TRIM37: variants seen among roughly 807,000 people sequenced by gnomAD.
TRIM37 encodes E3 ubiquitin-protein ligase TRIM37.
In TRIM37, 80 loss-of-function variants were observed where a neutral mutation model predicts 129.8. That is an observed-to-expected ratio of 0.62 (90% CI 0.51 to 0.74). TRIM37 has a LOEUF of 0.74. TRIM37 is among the 30% of genes least tolerant of loss of function. The pLI is 0.00. For synonymous variants in TRIM37, 389 were observed against 387.1 expected (o/e 1.00, Z -0.06); for missense variants, 1,054 against 1,176.5 (o/e 0.90, Z 1.52).
rs1305073340 is a variant in TRIM37 at position 59,017,380 on chromosome 17, C to T, written c.2302G>A (p.Val768Ile). ...CTTCGAAGTGATAGACTACCTGCTACACTGGATCGAGCTGGCTTGGGCGAA... is the reference window on the plus strand; with the variant it reads ...CTTCGAAGTGATAGACTACCTGCTATACTGGATCGAGCTGGCTTGGGCGAA... ...SNSPKPARSS[V>I]AGSLSLRRAV... The change falls in exon 20 of 24, where the codon GTA becomes ATA. Residue 768 changes from valine to isoleucine, a missense_variant. This residue lies in a region of TRIM37 where 287 missense variants were observed against 274.3 expected (regional missense o/e 1.05). Coordinates refer to ENST00000262294, the MANE Select transcript of TRIM37 (RefSeq NM_015294.6). The T allele has an allele frequency of 1.2e-6, 2 of 1,614,030 alleles. No individual in the cohort carries two copies. The highest frequency in any genetic ancestry group is 1.3e-5 in the African/African-American group (1 of 74,910).
In TRIM37 at chr17:58,998,839, G is replaced by A; in HGVS notation, c.*538C>T. ...GAGAAGATACATACTCCAAAAAGGA[G>A]ATTCAGTCTAGTGTTACTTCAGTTA... On this transcript the variant is annotated 3_prime_UTR_variant, in exon 24 of 24. Transcript: ENST00000262294. 1 of 990,510 alleles carries A rather than the reference G, an allele frequency of 1.0e-6. No homozygotes were observed. The highest frequency in any genetic ancestry group is 4.6e-5 in the South Asian group (1 of 21,934). The allele number at this position is 990,510 out of a possible 1,614,324, so 61.4% of individuals were successfully genotyped here.
chr17:58,985,870 GA>G (rs942645324), intron 24 of TRIM37, among the ~76,000 whole-genome samples: 1 of 151,430 alleles, frequency 6.6e-6, no homozygotes, highest in Non-Finnish European at 1.5e-5. Context: ...GAACAATTGA[GA>G]AAAAAAAGGT....
At chr17:59,037,726 A>T (rs2038707190) in intron 17 of TRIM37, among the ~76,000 whole-genome samples, 1 of 152,076 alleles carries the variant, frequency 6.6e-6, no homozygotes, top group Non-Finnish European at 1.5e-5. Flanking sequence ...TGTCACAACT[A>T]ATGAACCAAT....
rs372731205 is a variant in TRIM37, at chr17:59,052,635, C to T, written c.1200-1307G>A. 7.2e-5 allele frequency among the ~76,000 whole-genome samples: 11 copies of T among 152,052 alleles called. No individual in the cohort carries two copies. In the South Asian group the frequency reaches 2.3e-3, roughly 32 times the overall value. On this transcript the variant is annotated intron_variant, in intron 13 of 23. Coordinates refer to ENST00000262294, the MANE Select transcript of TRIM37 (RefSeq NM_015294.6). ...TCATTATATGTTATAACTGGATGAT[C>T]AAAATGAGAACTTGAGTATTAAAAA... is the stretch of plus-strand genomic sequence containing the variant.
intron 2 of TRIM37, among the ~76,000 whole-genome samples, chr17:59,103,280 G>A (rs1048353579): frequency 1.3e-5 from 2 of 152,196 alleles, no homozygotes; most frequent in African/African-American, 4.8e-5. Context: ...ACTATGCTCT[G>A]TAGATGTGCT....
At chr17:59,014,100 T>C (rs1234438812) in intron 21 of TRIM37, among the ~76,000 whole-genome samples, 1 of 152,186 alleles carries the variant, frequency 6.6e-6, no homozygotes, top group Non-Finnish European at 1.5e-5. Flanking sequence ...TGAAGAAATG[T>C]ATAAAACATC....
downstream of TRIM37, among the ~76,000 whole-genome samples, chr17:58,979,514 A>G (rs906026200): frequency 6.6e-6 from 1 of 152,230 alleles, no homozygotes; most frequent in African/African-American, 2.4e-5. Context: ...TATTTAATGA[A>G]GAGAATGATC....
intron 5 of TRIM37, 138 bp from the exon 6 acceptor site, chr17:59,081,357 T>C: frequency 2.3e-6 from 3 of 1,283,904 alleles, no homozygotes; most frequent in Non-Finnish European, 3.2e-6. Flanking sequence ...TTAATTTTGT[T>C]GAAGCAGGCC....
At chr17:59,038,021 C>A (rs2038748851) in intron 17 of TRIM37, among the ~76,000 whole-genome samples, 1 of 152,062 alleles carries the variant, frequency 6.6e-6, no homozygotes, top group Non-Finnish European at 1.5e-5. Flanking sequence ...ATATAAAGTA[C>A]CATTGTCAAC....
At chr17:59,007,136 A>T (rs1278987963) in intron 22 of TRIM37, among the ~76,000 whole-genome samples, 3 of 135,358 alleles carry the variant, frequency 2.2e-5, no homozygotes, top group Non-Finnish European at 4.7e-5. Flanking sequence ...CAAAAGATAA[A>T]ACAACCCCAC....
chr17:59,050,620 T>C (rs2040244553), intron 14 of TRIM37, among the ~76,000 whole-genome samples: 1 of 151,960 alleles, frequency 6.6e-6, no homozygotes, highest in Non-Finnish European at 1.5e-5. Flanking sequence ...AAGTTGAAGC[T>C]GCAGTTAGTG....
At chr17:58,980,590 G>GA (rs1252136344), downstream of TRIM37, 6 of 1,614,184 alleles carry the variant, frequency 3.7e-6, no homozygotes, top group Non-Finnish European at 5.1e-6. The surrounding 1 kb of genome is among the most constrained non-coding windows in gnomAD (Gnocchi z 4.7). Context: ...TAATGATGGA[G>GA]AAAAAATCAG....
intron 2 of TRIM37, among the ~76,000 whole-genome samples, chr17:59,101,099 A>G (rs543871661): frequency 3.3e-5 from 5 of 152,240 alleles, no homozygotes; most frequent in African/African-American, 1.2e-4. Flanking sequence ...CATGTCAGTT[A>G]TACCTAATAA....
Position 59,056,928 on chromosome 17 carries a change from G to A in TRIM37, c.1146C>T (p.Asp382=), listed in dbSNP as rs1460429440. The part of the protein sequence containing the change: ...CWGYNRFFRL[D]LLANEGYLNP... ...TCAAGTATCCTTCATTTGCGAGTAA[G>A]TCCAAACGGAAAAATCTATTATAGC... The change falls in exon 13 of 24, where the codon GAC becomes GAT. Residue 382 remains aspartate, a synonymous_variant. Transcript: ENST00000262294. 6.8e-6 allele frequency: 11 copies of A among 1,613,700 alleles called. No homozygotes were observed. The highest frequency in any genetic ancestry group is 9.3e-6 in the Non-Finnish European group (11 of 1,179,894).
intron 23 of TRIM37, among the ~76,000 whole-genome samples, chr17:59,000,563 T>C (rs1422551187): frequency 6.6e-6 from 1 of 151,822 alleles, no homozygotes; most frequent in Non-Finnish European, 1.5e-5. Context: ...ATTGTGCCAC[T>C]GCACTTCAGC....
chr17:59,098,797 G>C (rs2045167663), intron 2 of TRIM37, among the ~76,000 whole-genome samples: 1 of 151,524 alleles, frequency 6.6e-6, no homozygotes, highest in African/African-American at 2.4e-5. Context: ...AATGAAAGCA[G>C]GAACTCAAAC....
downstream of TRIM37, chr17:58,980,554 A>G (rs754393205): frequency 6.2e-7 from 1 of 1,614,202 alleles, no homozygotes; most frequent in Non-Finnish European, 8.5e-7. This position sits in a 1 kb window ranked among gnomAD's most constrained non-coding sequence, Gnocchi z 4.7. Context: ...CTGGTGCACC[A>G]AAGAAAGCAA....
intron 24 of TRIM37, chr17:58,982,990 TAAAA>T (rs935848969): frequency 4.0e-6 from 5 of 1,259,830 alleles, no homozygotes; most frequent in African/African-American, 3.1e-5. Context: ...CTTAGCGAAG[TAAAA>T]AAAAAAGCTT....
intron 24 of TRIM37, chr17:58,985,084 G>A (rs1318605290): frequency 6.6e-6 from 1 of 152,618 alleles, no homozygotes; most frequent in Non-Finnish European, 1.5e-5. Flanking sequence ...GTAGTCATGA[G>A]TGATCCTTCA....
Sources: gnomAD v4.1 joint callset for allele counts (sites outside exome capture counted in the v4.1 genomes callset) on GRCh38, gnomAD v4.1.1 for gene constraint, gnomAD v4.1.1 regional missense constraint, Gnocchi (gnomAD v3.1) non-coding constraint, MANE v1.5 for transcripts, NCBI Gene and HGNC (gene_info 2026-07-23, HGNC 2026-07-21) for gene names.